Variants in EYA2 observed in about 807,000 individuals in gnomAD.
The protein encoded by EYA2 is protein phosphatase EYA2.
In EYA2, 31 loss-of-function variants were observed where a neutral mutation model predicts 69.2. The observed-to-expected ratio is 0.45, with a 90% CI of 0.34 to 0.60. The LOEUF (loss-of-function observed/expected upper bound fraction) is 0.60, where lower values mean the gene tolerates loss of function less well. Among genes scored for constraint, EYA2 ranks in the 20% least tolerant of loss-of-function variants. The pLI is 0.02. For synonymous variants in EYA2, 257 were observed against 279.4 expected (o/e 0.92, Z 0.80); for missense variants, 622 against 701.2 (o/e 0.89, Z 1.28).
intron 1 of EYA2, among the ~76,000 whole-genome samples, chr20:46,896,421 A>G (rs1983816704): frequency 6.6e-6 from 1 of 151,514 alleles, no homozygotes; most frequent in Non-Finnish European, 1.5e-5. Context: ...AAAAAGAGGT[A>G]CACAAAGAAA....
intron 1 of EYA2, among the ~76,000 whole-genome samples, chr20:46,986,718 A>T (rs1981244003): frequency 1.3e-5 from 2 of 152,080 alleles, no homozygotes; most frequent in Non-Finnish European, 2.9e-5. Flanking sequence ...ATCCCACGGT[A>T]ACAGAAGGCG....
At chr20:47,050,887 G>A (rs905385476) in intron 5 of EYA2, among the ~76,000 whole-genome samples, 1 of 152,214 alleles carries the variant, frequency 6.6e-6, no homozygotes, top group Non-Finnish European at 1.5e-5. Flanking sequence ...ACCTTGCAGC[G>A]TTTTACGAGG....
intron 5 of EYA2, among the ~76,000 whole-genome samples, chr20:47,057,014 C>T (rs1231524632): frequency 1.4e-5 from 2 of 146,692 alleles, no homozygotes; most frequent in Non-Finnish European, 3.0e-5. Context: ...CGTCTACACT[C>T]CAGCCTGGGT....
At chr20:47,112,315 G>A (rs930031975) in intron 9 of EYA2, among the ~76,000 whole-genome samples, 4 of 152,144 alleles carry the variant, frequency 2.6e-5, no homozygotes, top group Non-Finnish European at 4.4e-5. Context: ...TAGAGACAGG[G>A]CAGTGAGTAT....
At chr20:46,957,235 T>C (rs1400525439) in intron 1 of EYA2, among the ~76,000 whole-genome samples, 1 of 152,244 alleles carries the variant, frequency 6.6e-6, no homozygotes, top group African/African-American at 2.4e-5. Flanking sequence ...TGCGGGTTAC[T>C]GTACCCCTTC....
chr20:47,172,681 C>G, intron 11 of EYA2, 26 bp from the exon 12 acceptor site: 1 of 1,587,690 alleles, frequency 6.3e-7, no homozygotes, highest in South Asian at 1.2e-5. Context: ...TGCACTAACA[C>G]TGTCCCTCCC....
intron 10 of EYA2, among the ~76,000 whole-genome samples, chr20:47,160,080 A>G (rs2034033659): frequency 6.6e-6 from 1 of 152,122 alleles, no homozygotes. Flanking sequence ...GGTGATATCC[A>G]TTGTGGGGAT....
intron 12 of EYA2, among the ~76,000 whole-genome samples, chr20:47,176,792 CTTTCTT>C (rs1273573448): frequency 1.8e-5 from 2 of 111,088 alleles, no homozygotes; most frequent in African/African-American, 5.0e-5. Flanking sequence ...CAGGATCCTT[CTTTCTT>C]TTTTTTTTTT....
At chr20:46,976,949 A>G (rs1980503450) in intron 1 of EYA2, among the ~76,000 whole-genome samples, 1 of 152,204 alleles carries the variant, frequency 6.6e-6, no homozygotes, top group Non-Finnish European at 1.5e-5. Flanking sequence ...GGAACCCCTG[A>G]GGACTGGACA....
At position 46,941,402 on chromosome 20, in the gene EYA2, C is replaced by T. The variant is rs531747812; in HGVS notation, c.-11+46415C>T. On this transcript the variant is annotated intron_variant, in intron 1 of 15. Transcript: ENST00000327619. ...GCTCTTCTGCTCCTCAGCTGTGTGG[C>T]CTTTCATAGCCTCCTTCATCTTTCT... Among the ~76,000 whole-genome samples, 3 of 152,306 alleles carry T rather than the reference C, an allele frequency of 2.0e-5. No homozygotes were observed. The East Asian group carries it at 5.8e-4, about 29-fold the overall frequency.
intron 9 of EYA2, among the ~76,000 whole-genome samples, chr20:47,130,940 A>G (rs1363565253): frequency 6.6e-6 from 1 of 152,146 alleles, no homozygotes; most frequent in Non-Finnish European, 1.5e-5. Context: ...AAATACAAGA[A>G]TTAGCCAGTG....
At chr20:46,930,061 G>A (rs1390551315) in intron 1 of EYA2, among the ~76,000 whole-genome samples, 1 of 152,186 alleles carries the variant, frequency 6.6e-6, no homozygotes, top group Non-Finnish European at 1.5e-5. Flanking sequence ...GTAAAAGCAA[G>A]CCTAAAACTG....
intron 8 of EYA2, among the ~76,000 whole-genome samples, chr20:47,090,787 T>C (rs2032060292): frequency 2.6e-5 from 4 of 152,208 alleles, no homozygotes. Context: ...GTTATGCAAG[T>C]GTAGTAGTAT....
At chr20:47,085,028 G>T (rs1225487198) in intron 7 of EYA2, among the ~76,000 whole-genome samples, 1 of 151,394 alleles carries the variant, frequency 6.6e-6, no homozygotes, top group Non-Finnish European at 1.5e-5. Flanking sequence ...TAGAGACGGG[G>T]GTCTCATTAT....
At chr20:46,913,241 C>G (rs1984740485) in intron 1 of EYA2, among the ~76,000 whole-genome samples, 1 of 152,166 alleles carries the variant, frequency 6.6e-6, no homozygotes, top group South Asian at 2.1e-4. Flanking sequence ...GGCAAGGCCT[C>G]CCTGAAACTA....
chr20:46,957,644 C>T (rs1169038001), intron 1 of EYA2, among the ~76,000 whole-genome samples: 1 of 151,896 alleles, frequency 6.6e-6, no homozygotes, highest in Non-Finnish European at 1.5e-5. Flanking sequence ...GTGATGCAGC[C>T]ACAAATCAAG....
intron 1 of EYA2, among the ~76,000 whole-genome samples, chr20:46,982,953 T>C (rs1980935061): frequency 6.7e-6 from 1 of 148,838 alleles, no homozygotes; most frequent in Non-Finnish European, 1.5e-5. Flanking sequence ...TTTGTATTTT[T>C]AGTAGAGGTG....
intron 9 of EYA2, among the ~76,000 whole-genome samples, chr20:47,136,786 T>C (rs2033487195): frequency 2.0e-5 from 3 of 151,274 alleles, no homozygotes; most frequent in Admixed American, 2.0e-4. Flanking sequence ...ATAATAGTTA[T>C]ATTACTGAGC....
At chr20:47,176,586 G>A (rs1260084557) in intron 12 of EYA2, among the ~76,000 whole-genome samples, 1 of 152,108 alleles carries the variant, frequency 6.6e-6, no homozygotes, top group African/African-American at 2.4e-5. Context: ...CAGAGCTGGG[G>A]AATGACCAAT....
Sources: allele counts gnomAD v4.1 joint callset (sites outside exome capture counted in the v4.1 genomes callset), GRCh38; gene constraint gnomAD v4.1.1; transcripts MANE v1.5; gene names NCBI Gene and HGNC (gene_info 2026-07-23, HGNC 2026-07-21).